The following PLXNA2 variants were observed in gnomAD, a reference collection of about 807,000 sequenced individuals.
The protein encoded by PLXNA2 is plexin-A2.
Under a neutral mutation model 193.5 loss-of-function variants are expected in PLXNA2, and 91 were observed. The observed-to-expected ratio is 0.47, with a 90% CI of 0.40 to 0.56. The LOEUF (loss-of-function observed/expected upper bound fraction) is 0.56. PLXNA2 is among the 20% of genes least tolerant of loss of function. PLXNA2 has a pLI of 0.00. For missense variants in PLXNA2, 1,995 were observed against 2,503.2 expected (o/e 0.80, Z 4.33); for synonymous variants, 997 against 1,027.3 (o/e 0.97, Z 0.56).
chr1:208,223,699 AC>A (rs1211591355), intron 1 of PLXNA2, among the ~76,000 whole-genome samples: 1 of 152,036 alleles, frequency 6.6e-6, no homozygotes, highest in Non-Finnish European at 1.5e-5. Context: ...CTCTGCCACA[AC>A]CCCACGGACA....
chr1:208,049,677 T>A (rs558142967), intron 17 of PLXNA2, among the ~76,000 whole-genome samples: 1 of 152,318 alleles, frequency 6.6e-6, no homozygotes, highest in Admixed American at 6.5e-5. Context: ...TGGGGGCAAG[T>A]CATTTAACCT....
rs758747529 is a variant in PLXNA2, at chr1:208,042,236, C to T, written c.4148G>A (p.Arg1383Gln). 46 of 1,614,216 alleles carry T rather than the reference C, an allele frequency of 2.8e-5. No homozygotes were observed. The highest frequency in any genetic ancestry group is 3.6e-5 in the Non-Finnish European group (43 of 1,180,026). ...ELQRSFSMRD[R>Q]GNVASLIMTG... ...CATGATGAGCGAAGCCACGTTGCCC[C>T]GGTCGCGCATGGAGAAACTGCGCTG... The change falls in exon 22 of 32, where the codon CGG becomes CAG. Residue 1383 changes from arginine to glutamine, a missense_variant. Arg to Gln is a conservative substitution (Grantham distance 43). This residue lies in a region of PLXNA2 where 1,291 missense variants were observed against 1,673.6 expected (regional missense o/e 0.77). Coordinates refer to ENST00000367033, the MANE Select transcript of PLXNA2 (RefSeq NM_025179.4).
chr1:208,133,629 C>T (rs1668223925), intron 4 of PLXNA2, among the ~76,000 whole-genome samples: 1 of 152,198 alleles, frequency 6.6e-6, no homozygotes, highest in Non-Finnish European at 1.5e-5. Context: ...GCAAATCTTT[C>T]CCTATTTTAA....
chr1:208,187,824 A>G (rs1405523790), intron 3 of PLXNA2, among the ~76,000 whole-genome samples: 1 of 152,214 alleles, frequency 6.6e-6, no homozygotes, highest in Non-Finnish European at 1.5e-5. Flanking sequence ...CAGGTAGCAG[A>G]GAGAAGGCAG....
intron 3 of PLXNA2, among the ~76,000 whole-genome samples, chr1:208,199,548 G>T (rs1670471627): frequency 6.6e-6 from 1 of 152,092 alleles, no homozygotes; most frequent in Non-Finnish European, 1.5e-5. Flanking sequence ...AAAATTAACT[G>T]GGCGTGGTGG....
At chr1:208,171,851 A>G (rs1669504186) in intron 3 of PLXNA2, among the ~76,000 whole-genome samples, 1 of 152,040 alleles carries the variant, frequency 6.6e-6, no homozygotes. Context: ...GAGACCCTGT[A>G]TAAAAAGGAA....
chr1:208,122,886 C>G (rs1341727521), intron 4 of PLXNA2, among the ~76,000 whole-genome samples: 1 of 152,120 alleles, frequency 6.6e-6, no homozygotes, highest in African/African-American at 2.4e-5. Flanking sequence ...AGGACATGAT[C>G]TTCCCAAGAT....
intron 3 of PLXNA2, among the ~76,000 whole-genome samples, chr1:208,171,007 G>A (rs1348962127): frequency 6.6e-6 from 1 of 152,228 alleles, no homozygotes; most frequent in African/African-American, 2.4e-5. Context: ...TGGAGGCTGA[G>A]GAAGGAAGAC....
At chr1:208,079,117 C>A in intron 12 of PLXNA2, 143 bp downstream of exon 12, 2 of 666,304 alleles carry the variant, frequency 3.0e-6, no homozygotes, top group Non-Finnish European at 5.2e-6. Flanking sequence ...AAGACACACG[C>A]GAGAGGTTTC....
intron 9 of PLXNA2, among the ~76,000 whole-genome samples, chr1:208,088,665 C>T (rs1027128908): frequency 6.6e-6 from 1 of 152,256 alleles, no homozygotes; most frequent in African/African-American, 2.4e-5. Flanking sequence ...AGGTCTGACT[C>T]ATTACCTTAA....
At chr1:208,141,199 C>T (rs1000304718) in intron 4 of PLXNA2, among the ~76,000 whole-genome samples, 1 of 152,250 alleles carries the variant, frequency 6.6e-6, no homozygotes, top group African/African-American at 2.4e-5. Flanking sequence ...CAACTCAGAA[C>T]TGCATCACTG....
chr1:208,082,695 C>T lies in PLXNA2; in HGVS notation c.2299-187G>A, dbSNP rs1571896219. Reference sequence around the variant, plus strand: ...ATTCAGTGCCCTGCATAATCGGATGCAAACTGACTCCTCCAGCTTTCTCCT... The same window carrying T: ...ATTCAGTGCCCTGCATAATCGGATGTAAACTGACTCCTCCAGCTTTCTCCT... On this transcript the variant is annotated intron_variant, in intron 10 of 31. Transcript: ENST00000367033. This position sits in a 1 kb window ranked among gnomAD's most constrained non-coding sequence, Gnocchi z 4.2. Among the ~76,000 whole-genome samples the T allele has an allele frequency of 6.6e-6, 1 of 152,310 alleles. No homozygotes were observed.
rs115357434 is a variant in PLXNA2, at chr1:208,128,240, T to G, written c.1506+14089A>C. The stretch of plus-strand genomic sequence containing the variant: ...TCTGTTTTCCTTCCTTATTCTTGTC[T>G]CATAAGACAGAGGCTAGAAATAGAT... On this transcript the variant is annotated intron_variant, in intron 4 of 31. Coordinates refer to ENST00000367033, the MANE Select transcript of PLXNA2 (RefSeq NM_025179.4). 7.0e-3 allele frequency among the ~76,000 whole-genome samples: 1,064 copies of G among 152,304 alleles called. 13 individuals carry two copies. Among genetic ancestry groups the G allele is most frequent in the African/African-American group, 0.025 (1,042 of 41,556 alleles).
At position 208,116,029 on chromosome 1, in the gene PLXNA2, C is replaced by T. The variant is rs541055528; in HGVS notation, c.1507-12782G>A. On this transcript the variant is annotated intron_variant, in intron 4 of 31. Coordinates refer to ENST00000367033, the MANE Select transcript of PLXNA2 (RefSeq NM_025179.4). ...CCAGGCTGACGTTTCCACTCCTGAC[C>T]CCTTTGGTCAATGTCAACTGCACTC... Among the ~76,000 whole-genome samples the T allele has an allele frequency of 4.6e-5, 7 of 152,294 alleles. No individual in the cohort carries two copies. The South Asian group carries it at 8.3e-4, about 18-fold the overall frequency.
At chr1:208,060,923 AAG>A in intron 12 of PLXNA2, 86 bp from the exon 13 acceptor site, 1 of 1,239,874 alleles carries the variant, frequency 8.1e-7, no homozygotes, top group Non-Finnish European at 1.1e-6. Flanking sequence ...AGGGAGGTTT[AAG>A]AACCTCCATA....
rs1193646272 is a variant in PLXNA2, at chr1:208,026,365, G to C, written c.*878C>G. 1 of 152,226 alleles carries C rather than the reference G, an allele frequency of 6.6e-6. No homozygotes were observed. Among genetic ancestry groups the C allele is most frequent in the African/African-American group, 2.4e-5 (1 of 41,458 alleles). The allele number at this position is 152,226 out of a possible 1,614,324, so 9.4% of individuals were successfully genotyped here. On this transcript the variant is annotated 3_prime_UTR_variant, in exon 32 of 32. Coordinates refer to ENST00000367033, the MANE Select transcript of PLXNA2 (RefSeq NM_025179.4). ...CATATCAAAGACCAGCTCCTCATTT[G>C]TTGAGGTTTAGGATTAAATAAAACA...
intron 3 of PLXNA2, among the ~76,000 whole-genome samples, chr1:208,207,912 A>C (rs1357102176): frequency 6.6e-6 from 1 of 152,228 alleles, no homozygotes; most frequent in Non-Finnish European, 1.5e-5. Context: ...GAGTGAGAAG[A>C]AGCAGCCAAA....
chr1:208,105,154 C>T (rs1400498571), intron 4 of PLXNA2, among the ~76,000 whole-genome samples: 2 of 152,148 alleles, frequency 1.3e-5, no homozygotes, highest in African/African-American at 4.8e-5. Context: ...GAGATCCTTC[C>T]TGGAGGGTGG....
chr1:208,182,100 A>G (rs1669861453), intron 3 of PLXNA2, among the ~76,000 whole-genome samples: 1 of 152,156 alleles, frequency 6.6e-6, no homozygotes, highest in Non-Finnish European at 1.5e-5. Flanking sequence ...AAGGAATCAA[A>G]CCAGTAGAAG....
Sources: gnomAD v4.1 joint callset for allele counts (sites outside exome capture counted in the v4.1 genomes callset) on GRCh38, gnomAD v4.1.1 for gene constraint, gnomAD v4.1.1 regional missense constraint, Gnocchi (gnomAD v3.1) non-coding constraint, MANE v1.5 for transcripts, NCBI Gene and HGNC (gene_info 2026-07-23, HGNC 2026-07-21) for gene names.